The following URB1 variants were observed in gnomAD, a reference collection of about 807,000 sequenced individuals.
The protein encoded by URB1 is nucleolar pre-ribosomal-associated protein 1.
A neutral mutation model predicts 242.3 loss-of-function variants in URB1; 197 were observed. The observed-to-expected ratio is 0.81, with a 90% CI of 0.72 to 0.91. The LOEUF is 0.91. Among genes scored for constraint, URB1 ranks in the 40% least tolerant of loss-of-function variants. URB1 has a pLI of 0.00. For synonymous variants in URB1, 1,153 were observed against 1,201.8 expected, an observed-to-expected ratio of 0.96 and a Z score of 0.84; for missense variants, 2,721 against 2,860.5, an observed-to-expected ratio of 0.95 and a Z score of 1.11.
Position 32,316,542 on chromosome 21 carries a change from C to T in URB1, c.6558G>A (p.Arg2186=). ...VMLQLVAAQG[R]AGSPFHPAME... is the part of the protein sequence containing the mutation. ...TGGCCGGGTGGAAGGGGCTCCCTGC[C>T]CGGCCCTGGGCAGCCACCAGCTGCA... Residue 2186 remains arginine (R), a synonymous_variant, in exon 38 of 39, where the codon CGG becomes CGA. Transcript: ENST00000382751. The T allele has an allele frequency of 6.4e-7, 1 of 1,550,884 alleles. No homozygotes were observed. The highest frequency in any genetic ancestry group is 2.0e-5 in the Admixed American group (1 of 50,978).
At chr21:32,359,629 G>C (rs2033261714) in intron 14 of URB1, among the ~76,000 whole-genome samples, 167 bp downstream of exon 14, 1 of 152,164 alleles carries the variant, frequency 6.6e-6, no homozygotes, top group Non-Finnish European at 1.5e-5. Context: ...CAGGCCTCCT[G>C]GTTCATGAAT....
chr21:32,381,133 T>C (rs2033520083), intron 4 of URB1, among the ~76,000 whole-genome samples: 1 of 152,156 alleles, frequency 6.6e-6, no homozygotes, highest in Admixed American at 6.5e-5. Flanking sequence ...CATCCTCTGT[T>C]TCCAGTCCTC....
chr21:32,360,406 C>T (rs1395705380), intron 13 of URB1, among the ~76,000 whole-genome samples: 1 of 152,246 alleles, frequency 6.6e-6, no homozygotes, highest in African/African-American at 2.4e-5. Flanking sequence ...GAGAACTTTT[C>T]ACCTTCAAAT....
chr21:32,346,746 C>G (rs909868368), intron 22 of URB1, among the ~76,000 whole-genome samples: 6 of 152,160 alleles, frequency 3.9e-5, no homozygotes, highest in African/African-American at 7.2e-5. Context: ...ATGGGCTGTG[C>G]CTCAAGCCAC....
chr21:32,392,217 T>A (rs1455022273), intron 1 of URB1, among the ~76,000 whole-genome samples: 1 of 152,218 alleles, frequency 6.6e-6, no homozygotes, highest in Non-Finnish European at 1.5e-5. Context: ...CGAAGGGTGG[T>A]CACACTTTAC....
At chr21:32,355,713 A>C (rs2033212707) in intron 15 of URB1, 148 bp from the exon 16 acceptor site, 1 of 649,340 alleles carries the variant, frequency 1.5e-6, no homozygotes, top group Non-Finnish European at 2.7e-6. Context: ...GGTTCAAGCA[A>C]TTTTTCTGCC....
In URB1 at chr21:32,312,692, G is replaced by C. The variant is rs2032610104; in HGVS notation, c.*2226C>G. On this transcript the variant is annotated 3_prime_UTR_variant, in exon 39 of 39. Transcript: ENST00000382751. ...GTGACTTTATGTGACAGTGGATCTG[G>C]GACCCTTGAAAGATCTAGTCCTCTA... 6.4e-6 allele frequency: 1 copy of C among 156,058 alleles called. No individual in the cohort carries two copies. Among genetic ancestry groups the C allele is most frequent in the Non-Finnish European group, 1.4e-5 (1 of 70,230 alleles). The allele number at this position is 156,058 out of a possible 1,614,324, so 9.7% of individuals were successfully genotyped here.
At chr21:32,322,420 G>A in intron 33 of URB1, 58 bp downstream of exon 33, 1 of 1,405,814 alleles carries the variant, frequency 7.1e-7, no homozygotes, top group Non-Finnish European at 9.9e-7. Flanking sequence ...AATGACAACG[G>A]TGGCTGCATC....
In URB1 at chr21:32,383,448, T is replaced by C. The variant is rs2033548727; in HGVS notation, c.541A>G (p.Thr181Ala). Residue 181 changes from threonine (T) to alanine (A), a missense_variant, in exon 4 of 39, where the codon ACC becomes GCC. Coordinates refer to ENST00000382751, the MANE Select transcript of URB1 (RefSeq NM_014825.3). ...TTTGAATCCCTCTTGGTCACCAGGG[T>C]GTACAGGGTCTTTTTATTCAAATCA... is the stretch of plus-strand genomic sequence containing the variant. ...HFDLNKKTLY[T>A]LVTKRDSKGV... 2 of 1,551,410 alleles carry C rather than the reference T, an allele frequency of 1.3e-6. No individual in the cohort carries two copies. The highest frequency in any genetic ancestry group is 1.4e-5 in the African/African-American group (1 of 73,132).
At chr21:32,365,761 C>A (rs575459600) in intron 10 of URB1, among the ~76,000 whole-genome samples, 1 of 152,336 alleles carries the variant, frequency 6.6e-6, no homozygotes, top group Admixed American at 6.5e-5. Flanking sequence ...CATGTGGTCT[C>A]AGGAGTCCAC....
Position 32,349,383 on chromosome 21 carries a change from C to T in URB1, c.2933G>A (p.Arg978Lys), listed in dbSNP as rs1206703044. 1.9e-6 allele frequency: 3 copies of T among 1,551,430 alleles called. No homozygotes were observed. Among genetic ancestry groups the T allele is most frequent in the Non-Finnish European group, 2.6e-6 (3 of 1,147,000 alleles). ...CEQLDAQNQQRCEAARAEADL... is the reference protein window; with the variant it reads ...CEQLDAQNQQKCEAARAEADL... The stretch of plus-strand genomic sequence containing the variant: ...GGCTTCGGCCCGGGCGGCCTCGCAT[C>T]TCTGCTGGTTCTGGGCATCCAGCTG... The change falls in exon 21 of 39, where the codon AGA (arginine) becomes AAA (lysine). Residue 978 changes from arginine to lysine, a missense_variant. Arg to Lys is a conservative substitution (Grantham distance 26). Coordinates refer to ENST00000382751, the MANE Select transcript of URB1 (RefSeq NM_014825.3).
chr21:32,369,054 C>T (rs1601150746), intron 8 of URB1, among the ~76,000 whole-genome samples: 1 of 148,966 alleles, frequency 6.7e-6, no homozygotes, highest in African/African-American at 2.6e-5. Flanking sequence ...AAAAAAAGCA[C>T]TATGTAGGGC....
intron 5 of URB1, among the ~76,000 whole-genome samples, 178 bp from the exon 6 acceptor site, chr21:32,375,661 G>A (rs2033451100): frequency 6.6e-6 from 1 of 151,406 alleles, no homozygotes; most frequent in African/African-American, 2.4e-5. Flanking sequence ...AAGAAATCAA[G>A]AAGCCAGGCA....
At chr21:32,344,798 A>T in intron 23 of URB1, 42 bp from the exon 24 acceptor site, 1 of 1,529,086 alleles carries the variant, frequency 6.5e-7, no homozygotes, top group South Asian at 1.2e-5. Flanking sequence ...AGCAGGTTTA[A>T]ATCCTTCTGA....
rs1309338880 is a variant in URB1, at chr21:32,368,625, G to A, written c.1002-27C>T. 5.9e-6 allele frequency: 9 copies of A among 1,531,610 alleles called. No individual in the cohort carries two copies. In the Admixed American group the frequency reaches 1.7e-4, roughly 29 times the overall value. The allele number at this position is 1,531,610 out of a possible 1,614,324, so 94.9% of individuals were successfully genotyped here. The stretch of plus-strand genomic sequence containing the variant: ...TGTTAGAGAAAGACACATGGGGAGA[G>A]GTCAGCAGAAAATGGTCAAAGCACC... On this transcript the variant is annotated intron_variant, in intron 8 of 38. Transcript: ENST00000382751.
intron 1 of URB1, among the ~76,000 whole-genome samples, chr21:32,388,698 G>T (rs141932192): frequency 4.6e-5 from 7 of 152,344 alleles, no homozygotes; most frequent in Admixed American, 6.5e-5. Flanking sequence ...AGAAAACACA[G>T]AATGCAAGTG....
intron 38 of URB1, among the ~76,000 whole-genome samples, chr21:32,315,792 CA>C (rs1440955122): frequency 6.6e-6 from 1 of 152,192 alleles, no homozygotes. Flanking sequence ...CTCAATTCCC[CA>C]ACTGCGGCCA....
intron 29 of URB1, 151 bp downstream of exon 29, chr21:32,334,012 T>C: frequency 1.0e-6 from 1 of 998,824 alleles, no homozygotes. Context: ...GGCGGTGGGC[T>C]TATGAGGGTC....
At position 32,369,676 on chromosome 21, in the gene URB1, G is replaced by A. The variant is rs914636388; in HGVS notation, c.1002-1078C>T. ...CATGAGTTGCTGCATGGTCCAGAGCGCCATTAAATTATTTCTTGACAAGAA... is the reference window on the plus strand; with the variant it reads ...CATGAGTTGCTGCATGGTCCAGAGCACCATTAAATTATTTCTTGACAAGAA... On this transcript the variant is annotated intron_variant, in intron 8 of 38. Transcript: ENST00000382751. Among the ~76,000 whole-genome samples the A allele has an allele frequency of 3.3e-5, 5 of 152,012 alleles. No individual in the cohort carries two copies. The East Asian group carries it at 7.7e-4, about 24-fold the overall frequency.
Sources: gnomAD v4.1 joint callset for allele counts (sites outside exome capture counted in the v4.1 genomes callset) on GRCh38, gnomAD v4.1.1 for gene constraint, MANE v1.5 for transcripts, NCBI Gene and HGNC (gene_info 2026-07-23, HGNC 2026-07-21) for gene names.